The following WDR70 variants were observed in gnomAD, a reference collection of about 807,000 sequenced individuals.
WDR70 encodes the protein WD repeat-containing protein 70.
In WDR70, 53 loss-of-function variants were observed where a neutral mutation model predicts 88.6. That is an observed-to-expected ratio of 0.60 (90% CI 0.48 to 0.75). The LOEUF (loss-of-function observed/expected upper bound fraction) is 0.75, where lower values mean the gene tolerates loss of function less well. Among genes scored for constraint, WDR70 ranks in the 30% least tolerant of loss-of-function variants. WDR70 has a pLI of 0.00. For missense variants in WDR70, 610 were observed against 823.2 expected, an observed-to-expected ratio of 0.74 and a Z score of 3.17; for synonymous variants, 280 against 270.0, an observed-to-expected ratio of 1.04 and a Z score of -0.36.
rs546454170 is a variant in WDR70 at position 37,428,973 on chromosome 5, C to G, written c.493-8949C>G. On this transcript the variant is annotated intron_variant, in intron 5 of 17. Transcript: ENST00000265107. ...AGTGTGTAGTGCTGTTTAATTGTGG[C>G]TTTAGTTTGCAATTGCTTGTTGACT... Among the ~76,000 whole-genome samples, 7 of 152,192 alleles carry G rather than the reference C, an allele frequency of 4.6e-5. No individual in the cohort carries two copies. In the East Asian group the frequency reaches 1.2e-3, roughly 25 times the overall value.
intron 10 of WDR70, among the ~76,000 whole-genome samples, chr5:37,678,429 G>A (rs1246004581): frequency 6.6e-6 from 1 of 152,090 alleles, no homozygotes; most frequent in African/African-American, 2.4e-5. Context: ...CAGGCCTGGT[G>A]GTGACAAAAT....
chr5:37,551,304 C>T lies in WDR70; in HGVS notation c.917+34714C>T, dbSNP rs750140833. Among the ~76,000 whole-genome samples, 153 of 150,962 alleles carry T rather than the reference C, an allele frequency of 1.0e-3. 2 individuals are homozygous for T. The highest frequency in any genetic ancestry group is 1.0e-3 in the Non-Finnish European group (70 of 67,702). On this transcript the variant is annotated intron_variant, in intron 9 of 17. Coordinates refer to ENST00000265107, the MANE Select transcript of WDR70 (RefSeq NM_018034.4). Reference sequence around the variant, plus strand: ...TGGGCAACAGGAGTAAAACTTTGTTCCCCCCCTCCGCAAAAAAAAAATTAC... The same window carrying T: ...TGGGCAACAGGAGTAAAACTTTGTTTCCCCCCTCCGCAAAAAAAAAATTAC...
intron 8 of WDR70, among the ~76,000 whole-genome samples, chr5:37,488,502 C>CTTTTTTTTTTT (rs113142236): frequency 1.5e-5 from 2 of 137,530 alleles, no homozygotes; most frequent in Admixed American, 7.3e-5. Flanking sequence ...TTGTTCTTTA[C>CTTTTTTTTTTT]TTTTTTTTTT....
At chr5:37,654,368 T>G (rs373885139) in intron 10 of WDR70, among the ~76,000 whole-genome samples, 12 of 152,300 alleles carry the variant, frequency 7.9e-5, no homozygotes, top group East Asian at 5.8e-4. Flanking sequence ...TCCAGTTATG[T>G]GGTCAATTTT....
intron 3 of WDR70, among the ~76,000 whole-genome samples, chr5:37,384,598 T>C (rs1330850327): frequency 4.4e-5 from 6 of 136,856 alleles, no homozygotes; most frequent in African/African-American, 8.3e-5. Context: ...AGGCAGAGCT[T>C]GCAGTGAGCC....
intron 8 of WDR70, among the ~76,000 whole-genome samples, chr5:37,481,347 C>A (rs1404193707): frequency 1.3e-5 from 2 of 152,168 alleles, no homozygotes; most frequent in African/African-American, 4.8e-5. Context: ...CCGCTCCCTG[C>A]AGCAAACTTT....
At chr5:37,426,514 G>A (rs1301382357) in intron 5 of WDR70, among the ~76,000 whole-genome samples, 2 of 152,126 alleles carry the variant, frequency 1.3e-5, no homozygotes, top group Admixed American at 6.5e-5. Flanking sequence ...TGAATCTCTC[G>A]TGTAGCTGCA....
intron 7 of WDR70, among the ~76,000 whole-genome samples, chr5:37,468,558 AT>A (rs1739231663): frequency 6.6e-6 from 1 of 152,196 alleles, no homozygotes; most frequent in African/African-American, 2.4e-5. Context: ...ATGTGTAATG[AT>A]CAAATCAGGA....
rs184166396 is a variant in WDR70 at position 37,540,385 on chromosome 5, T to C, written c.917+23795T>C. On this transcript the variant is annotated intron_variant, in intron 9 of 17. Coordinates refer to ENST00000265107, the MANE Select transcript of WDR70 (RefSeq NM_018034.4). ...TCATTTTCTACTAACATTGTTCTTTTTTTGTTTGTTTTTTGAGATGGAGTC... is the reference window on the plus strand; with the variant it reads ...TCATTTTCTACTAACATTGTTCTTTCTTTGTTTGTTTTTTGAGATGGAGTC... Among the ~76,000 whole-genome samples the C allele has an allele frequency of 2.0e-5, 3 of 152,324 alleles. No individual in the cohort carries two copies. The East Asian group carries it at 5.8e-4, about 29-fold the overall frequency.
chr5:37,549,194 G>A (rs1362383316), intron 9 of WDR70, among the ~76,000 whole-genome samples: 1 of 152,152 alleles, frequency 6.6e-6, no homozygotes, highest in Non-Finnish European at 1.5e-5. Flanking sequence ...TATTTCGATA[G>A]GGATTGCATT....
rs762739895 is a variant in WDR70 at position 37,697,647 on chromosome 5, G to A, written c.1093-8G>A. On this transcript the variant is annotated splice_polypyrimidine_tract_variant and splice_region_variant and intron_variant, in intron 10 of 17. Coordinates refer to ENST00000265107, the MANE Select transcript of WDR70 (RefSeq NM_018034.4). ...AGATATTAACACTTTGTTTGTCTTT[G>A]TGAATAGGTTCATCCTAAGTTCCAC... 3.1e-6 allele frequency: 5 copies of A among 1,612,100 alleles called. No homozygotes were observed. The Admixed American group carries it at 8.3e-5, about 27-fold the overall frequency.
chr5:37,706,722 C>CACACAG (rs1438472848), intron 13 of WDR70, among the ~76,000 whole-genome samples: 1 of 118,654 alleles, frequency 8.4e-6, no homozygotes, highest in Admixed American at 8.3e-5. Flanking sequence ...GTAATACACA[C>CACACAG]ACACACACAC....
At chr5:37,674,921 C>T (rs1180483334) in intron 10 of WDR70, among the ~76,000 whole-genome samples, 2 of 151,428 alleles carry the variant, frequency 1.3e-5, no homozygotes, top group South Asian at 2.1e-4. Flanking sequence ...TAATGATTGC[C>T]ATTCTAACTG....
chr5:37,516,283 T>G (rs1298344922), intron 8 of WDR70, among the ~76,000 whole-genome samples: 1 of 152,164 alleles, frequency 6.6e-6, no homozygotes, highest in Non-Finnish European at 1.5e-5. Context: ...ATACAAGCAC[T>G]GAGTTAATTC....
intron 8 of WDR70, among the ~76,000 whole-genome samples, chr5:37,511,320 A>G (rs1269548802): frequency 2.6e-5 from 4 of 152,184 alleles, no homozygotes; most frequent in Non-Finnish European, 5.9e-5. Flanking sequence ...TGAATGGTTT[A>G]TAATTCGTTA....
At chr5:37,633,819 C>A (rs766791295) in intron 10 of WDR70, among the ~76,000 whole-genome samples, 1 of 152,198 alleles carries the variant, frequency 6.6e-6, no homozygotes, top group Middle Eastern at 3.4e-3. Context: ...GCATTCCCTA[C>A]TATATTCCTA....
chr5:37,593,896 A>G lies in WDR70; in HGVS notation c.918-11168A>G, dbSNP rs372616518. On this transcript the variant is annotated intron_variant, in intron 9 of 17. Transcript: ENST00000265107. ...GGGTTTGATTTGCAGTTCTCTGATGACCAGTGATGATGAGCATTTTTTCAT... is the reference window on the plus strand; with the variant it reads ...GGGTTTGATTTGCAGTTCTCTGATGGCCAGTGATGATGAGCATTTTTTCAT... Among the ~76,000 whole-genome samples, 53 of 152,264 alleles carry G rather than the reference A, an allele frequency of 3.5e-4. 1 individual carries two copies. In the East Asian group the frequency reaches 8.9e-3, roughly 26 times the overall value.
At chr5:37,616,651 A>C (rs1042540893) in intron 10 of WDR70, among the ~76,000 whole-genome samples, 4 of 152,174 alleles carry the variant, frequency 2.6e-5, no homozygotes, top group Non-Finnish European at 5.9e-5. Context: ...GTATCTAGGG[A>C]TATAAACCCT....
intron 10 of WDR70, among the ~76,000 whole-genome samples, chr5:37,652,425 C>G (rs571894130): frequency 6.6e-6 from 1 of 152,208 alleles, no homozygotes; most frequent in Non-Finnish European, 1.5e-5. Context: ...TATGTGGGCT[C>G]TTTTTTTGGT....
Sources: gnomAD v4.1 joint callset for allele counts (sites outside exome capture counted in the v4.1 genomes callset) on GRCh38, gnomAD v4.1.1 for gene constraint, MANE v1.5 for transcripts, NCBI Gene and HGNC (gene_info 2026-07-23, HGNC 2026-07-21) for gene names.